EYA3: variants seen among roughly 807,000 people sequenced by gnomAD.
EYA3 encodes the protein protein phosphatase EYA3.
EYA3 carries 39 observed loss-of-function variants against 80.0 expected under a neutral mutation model. The observed-to-expected ratio is 0.49, with a 90% CI of 0.38 to 0.64. EYA3 has a LOEUF of 0.64. Among genes scored for constraint, EYA3 ranks in the 30% least tolerant of loss-of-function variants. EYA3 has a pLI of 0.00. For missense variants in EYA3, 523 were observed against 676.1 expected (o/e 0.77, Z 2.51); for synonymous variants, 206 against 232.8 (o/e 0.88, Z 1.05).
intron 10 of EYA3, among the ~76,000 whole-genome samples, chr1:28,004,908 T>C (rs1303708114): frequency 6.6e-6 from 1 of 152,076 alleles, no homozygotes; most frequent in Non-Finnish European, 1.5e-5. Flanking sequence ...AGTTGGTTCT[T>C]TGAAAATATC....
At chr1:28,084,570 TATATATATATATATATATATA>T (rs1645551328) in intron 1 of EYA3, among the ~76,000 whole-genome samples, 1 of 10,320 alleles carries the variant, frequency 9.7e-5, no homozygotes, top group Non-Finnish European at 2.3e-4. Flanking sequence ...TATATATATA[TATATATATATATATATATATA>T]TATATTTTTT....
chr1:28,026,742 G>C (rs979558178), intron 7 of EYA3, among the ~76,000 whole-genome samples: 7 of 151,026 alleles, frequency 4.6e-5, no homozygotes, highest in African/African-American at 1.5e-4. Context: ...AAGAAAGAAG[G>C]GGGAGAGGAC....
At chr1:28,057,409 C>T (rs1644473229) in intron 2 of EYA3, among the ~76,000 whole-genome samples, 1 of 152,002 alleles carries the variant, frequency 6.6e-6, no homozygotes, top group Non-Finnish European at 1.5e-5. Flanking sequence ...GACCCTCTAG[C>T]ATAAAAGTTA....
At chr1:27,995,608 C>T (rs150892018) in intron 13 of EYA3, among the ~76,000 whole-genome samples, 125 of 151,062 alleles carry the variant, frequency 8.3e-4, no homozygotes, top group African/African-American at 2.8e-3. Context: ...TGGTGGCATG[C>T]GCCTATGGTC....
intron 7 of EYA3, among the ~76,000 whole-genome samples, chr1:28,020,189 G>A (rs1043473865): frequency 2.6e-5 from 4 of 152,046 alleles, no homozygotes; most frequent in Admixed American, 6.6e-5. Context: ...ATTATATCCC[G>A]GCTAGAAAGT....
At chr1:28,007,516 G>A (rs1641377803) in intron 10 of EYA3, among the ~76,000 whole-genome samples, 1 of 151,784 alleles carries the variant, frequency 6.6e-6, no homozygotes, top group African/African-American at 2.4e-5. Flanking sequence ...TGTATTTTTA[G>A]TAGAGACGGG....
intron 2 of EYA3, among the ~76,000 whole-genome samples, chr1:28,049,400 CA>C (rs1315450519): frequency 6.6e-6 from 1 of 151,714 alleles, no homozygotes; most frequent in East Asian, 1.9e-4. Context: ...AATAAAGAAA[CA>C]AAGGCAATTT....
intron 9 of EYA3, among the ~76,000 whole-genome samples, chr1:28,011,643 G>C (rs1399436317): frequency 6.6e-6 from 1 of 152,122 alleles, no homozygotes; most frequent in Non-Finnish European, 1.5e-5. Flanking sequence ...ACCTTATGAG[G>C]ATATAACTGT....
intron 14 of EYA3, among the ~76,000 whole-genome samples, chr1:27,992,861 T>C (rs1030310399): frequency 6.6e-6 from 1 of 152,216 alleles, no homozygotes; most frequent in Non-Finnish European, 1.5e-5. Flanking sequence ...AAACAATCTA[T>C]GATTAATTAA....
At chr1:28,043,844 AAAACAAACAAAC>A (rs565903040) in intron 3 of EYA3, among the ~76,000 whole-genome samples, 7 of 152,094 alleles carry the variant, frequency 4.6e-5, no homozygotes, top group Non-Finnish European at 8.8e-5. Flanking sequence ...TCTCAAAAAC[AAAACAAACAAAC>A]AAACAAACAA....
chr1:28,035,509 C>T (rs780767682), intron 6 of EYA3, 35 bp downstream of exon 6: 3 of 1,599,348 alleles, frequency 1.9e-6, no homozygotes, highest in Middle Eastern at 1.7e-4. Flanking sequence ...ATAAAATCAA[C>T]ATTCTTAGAA....
At chr1:28,001,014 G>A (rs572387981) in intron 11 of EYA3, among the ~76,000 whole-genome samples, 2 of 152,200 alleles carry the variant, frequency 1.3e-5, no homozygotes, top group East Asian at 1.9e-4. Context: ...GCAGTAAGCT[G>A]AGACTGCACC....
chr1:28,049,469 A>G (rs1214083646), intron 2 of EYA3, among the ~76,000 whole-genome samples: 1 of 152,218 alleles, frequency 6.6e-6, no homozygotes, highest in African/African-American at 2.4e-5. Context: ...AAGCAAAAAC[A>G]AAAAACGAAA....
chr1:28,073,299 ATTT>A (rs771192369), intron 1 of EYA3, among the ~76,000 whole-genome samples: 3 of 114,234 alleles, frequency 2.6e-5, no homozygotes, highest in African/African-American at 1.0e-4. Flanking sequence ...CACCCAGCTA[ATTT>A]TTTTTTTTTT....
At position 27,972,441 on chromosome 1, in the gene EYA3, G is replaced by A. The variant is rs959926679; in HGVS notation, c.*2025C>T. On this transcript the variant is annotated 3_prime_UTR_variant, in exon 18 of 18. Transcript: ENST00000373871. Reference sequence around the variant, plus strand: ...GCAAAAACTTACTCCTTAAAATCACGAGTTATGAGCGCTTTTCAATGAGTT... The same window carrying A: ...GCAAAAACTTACTCCTTAAAATCACAAGTTATGAGCGCTTTTCAATGAGTT... The A allele has an allele frequency of 1.3e-5, 2 of 152,184 alleles. No individual in the cohort carries two copies. Among genetic ancestry groups the A allele is most frequent in the Non-Finnish European group, 2.9e-5 (2 of 68,046 alleles). The allele number at this position is 152,184 out of a possible 1,614,324, so 9.4% of individuals were successfully genotyped here. A position where few individuals can be genotyped will look rare whatever the true frequency, so the allele number is the denominator to read the frequency against.
rs1401291225 is a variant in EYA3 at position 28,009,743 on chromosome 1, C to T, written c.909+1204G>A. Among the ~76,000 whole-genome samples, 15 of 152,202 alleles carry T rather than the reference C, an allele frequency of 9.9e-5. No homozygotes were observed. The highest frequency in any genetic ancestry group is 1.8e-4 in the Non-Finnish European group (12 of 68,018). On this transcript the variant is annotated intron_variant, in intron 10 of 17. Coordinates refer to ENST00000373871, the MANE Select transcript of EYA3 (RefSeq NM_001990.4). This position sits in a 1 kb window ranked among gnomAD's most constrained non-coding sequence, Gnocchi z 4.8. ...CTGTGATTCCACTTATATGAGATAT[C>T]TAGAATAAGAAGTCAAAGACAGAAA...
At chr1:27,986,458 G>A (rs1478644990) in intron 16 of EYA3, among the ~76,000 whole-genome samples, 8 of 149,700 alleles carry the variant, frequency 5.3e-5, no homozygotes, top group Non-Finnish European at 1.0e-4. Context: ...GAGTGCAGTA[G>A]CGCGATCTCG....
intron 17 of EYA3, among the ~76,000 whole-genome samples, chr1:27,975,613 G>A (rs1334465349): frequency 6.6e-6 from 1 of 150,846 alleles, no homozygotes; most frequent in African/African-American, 2.4e-5. Context: ...AGCCTCCCGA[G>A]TAGCTGGGAC....
intron 7 of EYA3, among the ~76,000 whole-genome samples, chr1:28,020,667 C>CGTGTGTGTGT (rs56017264): frequency 0.043 from 5,827 of 134,382 alleles, 182 homozygotes; most frequent in Non-Finnish European, 0.052. Flanking sequence ...TACAGATCAT[C>CGTGTGTGTGT]GTGTGTGTGT....
Sources: allele counts gnomAD v4.1 joint callset (sites outside exome capture counted in the v4.1 genomes callset), GRCh38; gene constraint gnomAD v4.1.1; non-coding constraint Gnocchi (gnomAD v3.1); transcripts MANE v1.5; gene names NCBI Gene and HGNC (gene_info 2026-07-23, HGNC 2026-07-21).